SCRG1: variants seen among roughly 807,000 people sequenced by gnomAD.
SCRG1 encodes the protein stimulator of chondrogenesis 1.
SCRG1 carries 3 observed loss-of-function variants against 7.7 expected under a neutral mutation model. That is an observed-to-expected ratio of 0.39 (90% CI 0.18 to 1.01). SCRG1 has a LOEUF of 1.01. Ranked by LOEUF, SCRG1 falls within the 50% of genes least tolerant of loss-of-function variation. The pLI is 0.36. For synonymous variants in SCRG1, 46 were observed against 41.2 expected, an observed-to-expected ratio of 1.12 and a Z score of -0.44; for missense variants, 110 against 117.2, an observed-to-expected ratio of 0.94 and a Z score of 0.28.
At chr4:173,391,454 T>C (rs1739443574) in intron 1 of SCRG1, 26 bp from the exon 2 acceptor site, 1 of 1,608,994 alleles carries the variant, frequency 6.2e-7, no homozygotes, top group Admixed American at 1.7e-5. Context: ...GACCAAAATG[T>C]GTCAATGTTT....
At chr4:173,426,558 G>T in the SCRG1 span, among the ~76,000 whole-genome samples, 4 of 152,254 alleles carry the variant, frequency 2.6e-5, no homozygotes, top group African/African-American at 7.2e-5. Context: ...CCTCAACTAG[G>T]CTCAAGCGAT....
chr4:173,484,242 T>A, the SCRG1 span, among the ~76,000 whole-genome samples: 1 of 92,866 alleles, frequency 1.1e-5, no homozygotes, highest in Non-Finnish European at 1.8e-5. Flanking sequence ...TATTTATATA[T>A]TATATATTTT....
the SCRG1 span, among the ~76,000 whole-genome samples, chr4:173,484,869 TTTATATA>T: frequency 4.5e-3 from 358 of 79,814 alleles, 4 homozygotes; most frequent in African/African-American, 0.017. Flanking sequence ...TTATGTATAT[TTTATATA>T]TTATATATTA....
upstream of SCRG1, among the ~76,000 whole-genome samples, chr4:173,400,741 G>A (rs1739739995): frequency 6.6e-6 from 1 of 152,086 alleles, no homozygotes; most frequent in African/African-American, 2.4e-5. Flanking sequence ...ATAAACGAGG[G>A]GAACATCAGA....
the SCRG1 span, among the ~76,000 whole-genome samples, chr4:173,485,023 A>C: frequency 8.8e-5 from 1 of 11,350 alleles, no homozygotes; most frequent in African/African-American, 2.9e-4. Flanking sequence ...TATAATATAT[A>C]ATATATTATA....
At chr4:173,410,225 A>T (rs771937563), upstream of SCRG1, among the ~76,000 whole-genome samples, 3 of 152,232 alleles carry the variant, frequency 2.0e-5, no homozygotes, top group Non-Finnish European at 4.4e-5. Flanking sequence ...TCCTGTGTGT[A>T]GCTGTGGTTA....
chr4:173,484,368 T>C, the SCRG1 span, among the ~76,000 whole-genome samples: 55 of 36,406 alleles, frequency 1.5e-3, no homozygotes, highest in Middle Eastern at 0.031. Context: ...ATATATTATA[T>C]ATTATATATT....
chr4:173,459,913 A>T, the SCRG1 span, among the ~76,000 whole-genome samples: 68,930 of 152,070 alleles, frequency 0.45, 16,749 homozygotes, highest in African/African-American at 0.63. Context: ...CACAAAAAAA[A>T]AATACATGTG....
chr4:173,439,525 A>G, the SCRG1 span, among the ~76,000 whole-genome samples: 1 of 145,486 alleles, frequency 6.9e-6, no homozygotes, highest in African/African-American at 2.5e-5. Flanking sequence ...AAAAAAAAAA[A>G]GATTTTTTAA....
the SCRG1 span, among the ~76,000 whole-genome samples, chr4:173,447,243 G>T: frequency 6.6e-6 from 1 of 152,166 alleles, no homozygotes; most frequent in East Asian, 1.9e-4. Flanking sequence ...GGTGAAAAGA[G>T]GGCTAGCTAG....
rs991806924 is a variant in SCRG1 at position 173,388,176 on chromosome 4, C to T, written c.*165G>A. 2 of 477,540 alleles carry T rather than the reference C, an allele frequency of 4.2e-6. No homozygotes were observed. The highest frequency in any genetic ancestry group is 2.0e-5 in the African/African-American group (1 of 49,518). The allele number at this position is 477,540 out of a possible 1,614,324, so 29.6% of individuals were successfully genotyped here. A position where few individuals can be genotyped will look rare whatever the true frequency, so the allele number is the denominator to read the frequency against. On this transcript the variant is annotated 3_prime_UTR_variant, in exon 3 of 3. Transcript: ENST00000296506. The stretch of plus-strand genomic sequence containing the variant: ...ACAGAGAAAAATTAGATTGAATTAA[C>T]TTTTATTACTACTTGTTTAACACAG...
the SCRG1 span, among the ~76,000 whole-genome samples, chr4:173,479,055 C>T: frequency 5.3e-5 from 8 of 152,282 alleles, no homozygotes; most frequent in East Asian, 1.2e-3. Flanking sequence ...CTTGTTCGTA[C>T]ACTGGGTGCA....
At chr4:173,421,399 G>T in the SCRG1 span, among the ~76,000 whole-genome samples, 1 of 87,488 alleles carries the variant, frequency 1.1e-5, no homozygotes, top group Admixed American at 1.6e-4. Context: ...CTGTTTCTCT[G>T]TTTTGGTTTA....
At chr4:173,435,317 G>A in the SCRG1 span, among the ~76,000 whole-genome samples, 2 of 152,174 alleles carry the variant, frequency 1.3e-5, no homozygotes, top group Admixed American at 1.3e-4. Context: ...ACTGATTTTT[G>A]AAGGGCTTTT....
chr4:173,505,757 A>G, the SCRG1 span, among the ~76,000 whole-genome samples: 1 of 152,248 alleles, frequency 6.6e-6, no homozygotes, highest in African/African-American at 2.4e-5. This position sits in a 1 kb window ranked among gnomAD's most constrained non-coding sequence, Gnocchi z 4.4. Flanking sequence ...ATGAGAAAGA[A>G]GGCGTGAAGC....
intron 1 of SCRG1, among the ~76,000 whole-genome samples, chr4:173,397,959 A>C (rs972240184): frequency 1.3e-5 from 2 of 152,222 alleles, no homozygotes; most frequent in East Asian, 3.8e-4. Context: ...TTGACATTTG[A>C]AATATCAAAA....
the SCRG1 span, among the ~76,000 whole-genome samples, chr4:173,484,166 T>C: frequency 2.1e-5 from 2 of 95,858 alleles, no homozygotes; most frequent in Admixed American, 1.7e-4. Flanking sequence ...TTCTACATTA[T>C]ATATAATATA....
the SCRG1 span, among the ~76,000 whole-genome samples, chr4:173,506,619 G>C: frequency 2.0e-5 from 3 of 152,192 alleles, no homozygotes; most frequent in Admixed American, 1.3e-4. This position sits in a 1 kb window ranked among gnomAD's most constrained non-coding sequence, Gnocchi z 5.3. Flanking sequence ...CTGAGGGTAG[G>C]GGCGGGCAGA....
chr4:173,416,072 T>G, the SCRG1 span, among the ~76,000 whole-genome samples: 3 of 152,178 alleles, frequency 2.0e-5, no homozygotes, highest in Non-Finnish European at 2.9e-5. Context: ...CAGTCTCCTC[T>G]CCCGCAGTGT....
Sources: gnomAD v4.1 joint callset for allele counts (sites outside exome capture counted in the v4.1 genomes callset) on GRCh38, gnomAD v4.1.1 for gene constraint, Gnocchi (gnomAD v3.1) non-coding constraint, MANE v1.5 for transcripts, NCBI Gene and HGNC (gene_info 2026-07-23, HGNC 2026-07-21) for gene names.